ECRG4: variants seen among roughly 807,000 people sequenced by gnomAD.
ECRG4 encodes augurin.
In ECRG4, 18 loss-of-function variants were observed where a neutral mutation model predicts 15.8. The observed-to-expected ratio is 1.14, with a 90% CI of 0.79 to 1.69. ECRG4 has a LOEUF of 1.69. Among genes scored for constraint, ECRG4 ranks in the 40% most tolerant of loss-of-function variants. The pLI is 0.00. For synonymous variants in ECRG4, 82 were observed against 73.9 expected (o/e 1.11, Z -0.56); for missense variants, 200 against 190.9 (o/e 1.05, Z -0.28).
chr2:106,073,174 C>T (rs11903518), intron 2 of ECRG4, among the ~76,000 whole-genome samples: 55,995 of 152,092 alleles, frequency 0.37, 11,368 homozygotes, highest in Non-Finnish European at 0.47. Context: ...AGGAGAAAAA[C>T]GCCTAATGGC....
upstream of ECRG4, among the ~76,000 whole-genome samples, chr2:106,064,771 C>T (rs575266413): frequency 6.6e-6 from 1 of 152,318 alleles, no homozygotes; most frequent in South Asian, 2.1e-4. Flanking sequence ...GAAAGGTAAT[C>T]TCACATCTCC....
upstream of ECRG4, chr2:106,064,277 C>T (rs1676156074): frequency 6.6e-6 from 1 of 152,236 alleles, no homozygotes; most frequent in Non-Finnish European, 1.5e-5. Flanking sequence ...TCTGTCTTTA[C>T]TAGCTCAATG....
chr2:106,076,317 T>A (rs924089986), intron 3 of ECRG4, among the ~76,000 whole-genome samples: 2 of 152,110 alleles, frequency 1.3e-5, no homozygotes, highest in Non-Finnish European at 2.9e-5. Context: ...TGAAACTCCC[T>A]CTTAAAAAAT....
At chr2:106,065,885 G>A in intron 1 of ECRG4, 42 bp downstream of exon 1, 1 of 1,445,186 alleles carries the variant, frequency 6.9e-7, no homozygotes, top group Non-Finnish European at 9.1e-7. Flanking sequence ...CGGCACCAGG[G>A]GTTGGCCCCA....
intron 1 of ECRG4, among the ~76,000 whole-genome samples, chr2:106,068,386 C>T (rs1311740611): frequency 1.3e-5 from 2 of 152,122 alleles, no homozygotes; most frequent in Non-Finnish European, 2.9e-5. Flanking sequence ...GTTCCTTATC[C>T]TTTTCCTCAA....
Position 106,077,968 on chromosome 2 carries a change from C to G in ECRG4, c.*42C>G. On this transcript the variant is annotated 3_prime_UTR_variant, in exon 4 of 4. Coordinates refer to ENST00000238044, the MANE Select transcript of ECRG4 (RefSeq NM_032411.3). Reference sequence around the variant, plus strand: ...GCTGTACAAGAAGCAAATAGCGATTCTCTTCATGTATCTCCTAATGCCTTA... The same window carrying G: ...GCTGTACAAGAAGCAAATAGCGATTGTCTTCATGTATCTCCTAATGCCTTA... 6.3e-7 allele frequency: 1 copy of G among 1,589,982 alleles called. No homozygotes were observed. The highest frequency in any genetic ancestry group is 8.6e-7 in the Non-Finnish European group (1 of 1,165,348).
intron 1 of ECRG4, among the ~76,000 whole-genome samples, chr2:106,069,491 A>G (rs1488166462): frequency 6.6e-6 from 1 of 151,258 alleles, no homozygotes; most frequent in Non-Finnish European, 1.5e-5. Context: ...GCACCACCAC[A>G]CTAGGCTAAT....
At chr2:106,073,137 G>A (rs374700897) in intron 2 of ECRG4, among the ~76,000 whole-genome samples, 2 of 152,162 alleles carry the variant, frequency 1.3e-5, no homozygotes, top group African/African-American at 4.8e-5. Context: ...TTATAGATAC[G>A]GGGACAGAGG....
Position 106,077,780 on chromosome 2 carries a change from A to C in ECRG4, c.301A>C (p.Ile101Leu), listed in dbSNP as rs573510498. 1.4e-5 allele frequency: 23 copies of C among 1,613,966 alleles called. No individual in the cohort carries two copies. Among genetic ancestry groups the C allele is most frequent in the Admixed American group, 1.0e-4 (6 of 59,982 alleles). ...TTTCCTCCAGAAATTTGAAGATGAC[A>C]TCACCTATTGGCTTAACAGAGATCG... Reference protein sequence around the residue: ...GFDEAKFEDDITYWLNRDRNG... With the variant: ...GFDEAKFEDDLTYWLNRDRNG... Residue 101 changes from isoleucine to leucine, a missense_variant, in exon 4 of 4, where the codon ATC becomes CTC. Coordinates refer to ENST00000238044, the MANE Select transcript of ECRG4 (RefSeq NM_032411.3).
rs1480956049 is a variant in ECRG4, at chr2:106,065,698, C to T, written c.-67C>T. The T allele has an allele frequency of 1.7e-5, 22 of 1,292,012 alleles. No homozygotes were observed. Among genetic ancestry groups the T allele is most frequent in the Admixed American group, 8.9e-5 (3 of 33,888 alleles). 80.0% of individuals were successfully genotyped at this position (1,292,012 alleles called of 1,614,324 possible). A position where few individuals can be genotyped will look rare whatever the true frequency, so the allele number is the denominator to read the frequency against. On this transcript the variant is annotated 5_prime_UTR_variant, in exon 1 of 4. Transcript: ENST00000238044. Reference sequence around the variant, plus strand: ...CGCCTGCCCGCTCGCACCCCTCTCCCGCGCCCGGTTCTCCCTCGCAGCACC... The same window carrying T: ...CGCCTGCCCGCTCGCACCCCTCTCCTGCGCCCGGTTCTCCCTCGCAGCACC...
At chr2:106,073,774 C>G in intron 2 of ECRG4, 112 bp from the exon 3 acceptor site, 1 of 1,319,250 alleles carries the variant, frequency 7.6e-7, no homozygotes, top group Non-Finnish European at 1.1e-6. Context: ...AGTTGAGAGT[C>G]AAAACCCTCC....
chr2:106,070,926 A>G (rs563463184), intron 1 of ECRG4: 2 of 471,356 alleles, frequency 4.2e-6, no homozygotes, highest in East Asian at 6.9e-5. Flanking sequence ...ATGTCATGCA[A>G]CAGTTAAGGG....
rs1489673095 is a variant in ECRG4, at chr2:106,071,340, AAAAAAAAAAAAAG to A, written c.80-500_80-488del. 4.2e-5 allele frequency among the ~76,000 whole-genome samples: 6 copies of A among 144,198 alleles called. No homozygotes were observed. The East Asian group carries it at 7.8e-4, about 19-fold the overall frequency. The allele number at this position is 144,198 out of a possible 152,430, so 94.6% of individuals were successfully genotyped here. A position where few individuals can be genotyped will look rare whatever the true frequency, so the allele number is the denominator to read the frequency against. ...AAGGCTGTAAAAAAAAAAAAAAAAA[AAAAAAAAAAAAAG>A]AAAGAAAGAAAAGAAAAGAAAATAA... is the stretch of plus-strand genomic sequence containing the variant. On this transcript the variant is annotated intron_variant, in intron 1 of 3. Transcript: ENST00000238044.
At chr2:106,070,787 T>C (rs1676346543) in intron 1 of ECRG4, 1 of 351,218 alleles carries the variant, frequency 2.8e-6, no homozygotes, top group Non-Finnish European at 5.8e-6. Context: ...CATGCCTTTC[T>C]AGACCCCCTG....
chr2:106,070,010 A>G (rs1676328610), intron 1 of ECRG4, among the ~76,000 whole-genome samples: 1 of 152,066 alleles, frequency 6.6e-6, no homozygotes, highest in Non-Finnish European at 1.5e-5. Flanking sequence ...CACCCAGCAG[A>G]CTCCCAGCTC....
intron 3 of ECRG4, among the ~76,000 whole-genome samples, chr2:106,076,361 A>AGTTG (rs1676486691): frequency 6.6e-6 from 1 of 152,126 alleles, no homozygotes; most frequent in Non-Finnish European, 1.5e-5. Context: ...AGAAAACCCA[A>AGTTG]GAGGCAAGAT....
chr2:106,070,893 A>G (rs1331969372), intron 1 of ECRG4: 3 of 471,036 alleles, frequency 6.4e-6, no homozygotes, highest in South Asian at 4.7e-5. Flanking sequence ...TTACACCCGA[A>G]GTTGCTCTAC....
intron 1 of ECRG4, chr2:106,070,922 T>G: frequency 2.1e-6 from 1 of 471,338 alleles, no homozygotes; most frequent in Non-Finnish European, 4.4e-6. Context: ...TACGATGTCA[T>G]GCAACAGTTA....
intron 1 of ECRG4, among the ~76,000 whole-genome samples, chr2:106,067,293 A>C (rs1347845885): frequency 6.6e-6 from 1 of 151,638 alleles, no homozygotes; most frequent in East Asian, 1.9e-4. Context: ...ACTCCGTCGC[A>C]AAATAAAAAA....
Sources: gnomAD v4.1 joint callset for allele counts (sites outside exome capture counted in the v4.1 genomes callset) on GRCh38, gnomAD v4.1.1 for gene constraint, MANE v1.5 for transcripts, NCBI Gene and HGNC (gene_info 2026-07-23, HGNC 2026-07-21) for gene names.